Variants in CHLSN observed in about 807,000 individuals in gnomAD.
CHLSN encodes protein cholesin.
chr7:1,036,292 C>T, the CHLSN span, among the ~76,000 whole-genome samples: 165 of 152,032 alleles, frequency 1.1e-3, no homozygotes, highest in African/African-American at 3.7e-3. Flanking sequence ...ATGTAGGGTT[C>T]GGGTGCTCGT....
the CHLSN span, among the ~76,000 whole-genome samples, chr7:1,013,417 C>G: frequency 6.6e-6 from 1 of 152,192 alleles, no homozygotes; most frequent in African/African-American, 2.4e-5. Flanking sequence ...AGGGCCCCTT[C>G]TAGGGACTTG....
At chr7:1,016,255 G>A in the CHLSN span, among the ~76,000 whole-genome samples, 9 of 43,906 alleles carry the variant, frequency 2.0e-4, no homozygotes, top group African/African-American at 5.9e-4. Context: ...AGCAGCGCAC[G>A]CCAGCACACA....
At chr7:987,094 C>T in the CHLSN span, 1 of 1,518,594 alleles carries the variant, frequency 6.6e-7, no homozygotes, top group East Asian at 2.4e-5. Context: ...AGCCCTGCCC[C>T]ACGCCTCTGC....
At chr7:1,021,911 G>T in the CHLSN span, among the ~76,000 whole-genome samples, 1 of 152,312 alleles carries the variant, frequency 6.6e-6, no homozygotes, top group Middle Eastern at 3.4e-3. Flanking sequence ...GGAGCCTGAG[G>T]GGCACCCAGG....
chr7:1,074,988 G>T, the CHLSN span, among the ~76,000 whole-genome samples: 1 of 152,200 alleles, frequency 6.6e-6, no homozygotes, highest in Admixed American at 6.5e-5. Context: ...CGTGTGAGCT[G>T]GGGGGCTCCT....
At chr7:1,042,260 C>G in the CHLSN span, among the ~76,000 whole-genome samples, 1 of 152,172 alleles carries the variant, frequency 6.6e-6, no homozygotes, top group Non-Finnish European at 1.5e-5. Flanking sequence ...ACACATGACC[C>G]CAGGCCAGGA....
At chr7:1,117,555 T>C in the CHLSN span, among the ~76,000 whole-genome samples, 65,059 of 112,064 alleles carry the variant, frequency 0.58, 19,139 homozygotes, top group African/African-American at 0.78. Context: ...CCATCACCAA[T>C]GTCCACGCAG....
chr7:1,011,043 CATACAGAT>C, the CHLSN span, among the ~76,000 whole-genome samples: 3 of 151,384 alleles, frequency 2.0e-5, no homozygotes, highest in African/African-American at 7.3e-5. Flanking sequence ...AGCCCCCCTA[CATACAGAT>C]ATATATGCAA....
At chr7:1,123,261 G>T in the CHLSN span, among the ~76,000 whole-genome samples, 1 of 152,370 alleles carries the variant, frequency 6.6e-6, no homozygotes, top group South Asian at 2.1e-4. The surrounding 1 kb of genome is among the most constrained non-coding windows in gnomAD (Gnocchi z 4.4). Flanking sequence ...GGGCGATGAA[G>T]TTCCCATCAC....
At chr7:1,000,822 C>T in the CHLSN span, among the ~76,000 whole-genome samples, 5 of 152,226 alleles carry the variant, frequency 3.3e-5, no homozygotes, top group Admixed American at 1.3e-4. Context: ...CCCAAGTCCC[C>T]GTGGGCTCCC....
chr7:1,017,573 G>C, the CHLSN span, among the ~76,000 whole-genome samples: 17 of 152,224 alleles, frequency 1.1e-4, no homozygotes, highest in Admixed American at 3.3e-4. Flanking sequence ...CCACACAGCG[G>C]GGTGGAGGAC....
At chr7:1,133,964 G>A in the CHLSN span, among the ~76,000 whole-genome samples, 10 of 151,950 alleles carry the variant, frequency 6.6e-5, no homozygotes, top group Non-Finnish European at 1.0e-4. Context: ...ACACCACCAC[G>A]TAGCTAACTC....
At chr7:1,023,703 C>T in the CHLSN span, among the ~76,000 whole-genome samples, 1 of 151,250 alleles carries the variant, frequency 6.6e-6, no homozygotes, top group Admixed American at 6.6e-5. The surrounding 1 kb of genome is among the most constrained non-coding windows in gnomAD (Gnocchi z 5.0). Flanking sequence ...GACCCCAATC[C>T]CTGGCAGCCC....
At chr7:1,136,515 TATAA>T in the CHLSN span, among the ~76,000 whole-genome samples, 36 of 98,668 alleles carry the variant, frequency 3.6e-4, 4 homozygotes, top group African/African-American at 9.6e-4. Context: ...TATAAACATA[TATAA>T]ATATATATAA....
the CHLSN span, chr7:997,895 G>C: frequency 7.9e-6 from 10 of 1,258,654 alleles, no homozygotes; most frequent in South Asian, 2.7e-5. Flanking sequence ...AAGGACACCC[G>C]GGCCTCAGGC....
chr7:1,133,392 CAAAAAA>C, the CHLSN span, among the ~76,000 whole-genome samples: 1 of 91,104 alleles, frequency 1.1e-5, no homozygotes, highest in African/African-American at 4.0e-5. Context: ...CGATATACTG[CAAAAAA>C]AAAAAAAAAA....
chr7:978,749 G>A, the CHLSN span, among the ~76,000 whole-genome samples: 3 of 152,196 alleles, frequency 2.0e-5, no homozygotes, highest in Non-Finnish European at 2.9e-5. Flanking sequence ...TGAAGCTTAC[G>A]TGGCCGTGTT....
At chr7:1,095,878 C>T in the CHLSN span, among the ~76,000 whole-genome samples, 2 of 152,236 alleles carry the variant, frequency 1.3e-5, no homozygotes, top group Admixed American at 6.5e-5. Context: ...CCATGGGCAT[C>T]GAGGGGTCAC....
the CHLSN span, among the ~76,000 whole-genome samples, chr7:1,072,567 G>T: frequency 6.6e-6 from 1 of 152,154 alleles, no homozygotes; most frequent in African/African-American, 2.4e-5. Flanking sequence ...TCTGTGGGCT[G>T]AAGTTACTGC....
Sources: allele counts gnomAD v4.1 joint callset (sites outside exome capture counted in the v4.1 genomes callset), GRCh38; gene constraint gnomAD v4.1.1; non-coding constraint Gnocchi (gnomAD v3.1); transcripts MANE v1.5; gene names NCBI Gene and HGNC (gene_info 2026-07-23, HGNC 2026-07-21).